Variants in CHRM5 observed in about 807,000 individuals in gnomAD.
The protein encoded by CHRM5 is muscarinic acetylcholine receptor M5.
A neutral mutation model predicts 39.0 loss-of-function variants in CHRM5; 18 were observed. The observed-to-expected ratio is 0.46, with a 90% confidence interval of 0.32 to 0.68. The LOEUF (loss-of-function observed/expected upper bound fraction) is 0.68, where lower values mean the gene tolerates loss of function less well. Among genes scored for constraint, CHRM5 ranks in the 30% least tolerant of loss-of-function variants. The pLI is 0.04. For synonymous variants in CHRM5, 241 were observed against 246.3 expected, an observed-to-expected ratio of 0.98 and a Z score of 0.20; for missense variants, 515 against 651.1, an observed-to-expected ratio of 0.79 and a Z score of 2.28.
chr15:34,018,417 T>A (rs1225629585), intron 1 of CHRM5: 1 of 152,186 alleles, frequency 6.6e-6, no homozygotes, highest in Admixed American at 6.5e-5. Flanking sequence ...TTCCTTCCGG[T>A]GGGTTCGTGG....
intron 1 of CHRM5, among the ~76,000 whole-genome samples, chr15:33,979,438 G>A (rs1037907087): frequency 1.3e-5 from 2 of 152,110 alleles, no homozygotes; most frequent in African/African-American, 4.8e-5. Flanking sequence ...GAGCCCAGGA[G>A]GTTGAGGCTG....
chr15:34,016,791 G>A (rs1897930487), intron 1 of CHRM5, among the ~76,000 whole-genome samples: 1 of 152,124 alleles, frequency 6.6e-6, no homozygotes, highest in Non-Finnish European at 1.5e-5. Context: ...CACATTCAGA[G>A]TTCTAGACCA....
intron 1 of CHRM5, among the ~76,000 whole-genome samples, chr15:34,030,205 G>C (rs1322684603): frequency 6.6e-6 from 1 of 152,144 alleles, no homozygotes; most frequent in Non-Finnish European, 1.5e-5. Flanking sequence ...AGGGAGCTGA[G>C]ATCACACCAC....
chr15:34,033,437 C>A (rs1437587776), intron 1 of CHRM5, among the ~76,000 whole-genome samples: 3 of 150,742 alleles, frequency 2.0e-5, no homozygotes, highest in Non-Finnish European at 4.4e-5. Context: ...ACCCAAGAGG[C>A]GGAGATTGCA....
At chr15:34,000,849 A>G (rs905052210) in intron 1 of CHRM5, among the ~76,000 whole-genome samples, 1 of 152,170 alleles carries the variant, frequency 6.6e-6, no homozygotes, top group African/African-American at 2.4e-5. Flanking sequence ...AAAAAAACCA[A>G]AACCAATCAC....
At chr15:34,017,535 T>C (rs898557271) in intron 1 of CHRM5, among the ~76,000 whole-genome samples, 1 of 142,106 alleles carries the variant, frequency 7.0e-6, no homozygotes, top group Non-Finnish European at 1.5e-5. Context: ...CAGGCCGGAG[T>C]GCAGTACTGC....
rs58379586 is a variant in CHRM5, at chr15:34,024,688, T to TA, written c.-407-21837dup. ...CAACATGGTGAAACCCCGTCTCTACTAAAAAAAAAAAAAAATACAAAAATT... is the reference window on the plus strand; with the variant it reads ...CAACATGGTGAAACCCCGTCTCTACTAAAAAAAAAAAAAAAATACAAAAATT... On this transcript the variant is annotated intron_variant, in intron 1 of 2. Coordinates refer to ENST00000383263, the MANE Select transcript of CHRM5 (RefSeq NM_012125.4). Among the ~76,000 whole-genome samples the TA allele has an allele frequency of 8.5e-3, 1,124 of 131,984 alleles. 15 individuals carry two copies. Among genetic ancestry groups the TA allele is most frequent in the African/African-American group, 0.026 (913 of 35,722 alleles). The allele number at this position is 131,984 out of a possible 152,430, so 86.6% of individuals were successfully genotyped here.
chr15:33,979,295 A>G (rs1369519914), intron 1 of CHRM5, among the ~76,000 whole-genome samples: 3 of 152,042 alleles, frequency 2.0e-5, no homozygotes, highest in Non-Finnish European at 4.4e-5. Flanking sequence ...GCCAAGGAGG[A>G]AGGATTGCTT....
At chr15:34,058,555 AACACACACACACACACACAC>A (rs3027963) in intron 2 of CHRM5, among the ~76,000 whole-genome samples, 1 of 143,180 alleles carries the variant, frequency 7.0e-6, no homozygotes, top group Non-Finnish European at 1.5e-5. Context: ...CTTTAATTCT[AACACACACACACACACACAC>A]ACACACACAC....
chr15:33,986,376 T>G (rs1437714949), intron 1 of CHRM5, among the ~76,000 whole-genome samples: 1 of 152,044 alleles, frequency 6.6e-6, no homozygotes, highest in Admixed American at 6.5e-5. Context: ...CCCAAAGTGC[T>G]GGGATTACAG....
chr15:33,983,128 C>G (rs1458914947), intron 1 of CHRM5, among the ~76,000 whole-genome samples: 1 of 135,266 alleles, frequency 7.4e-6, no homozygotes. Context: ...TGTCCATACT[C>G]TGTGTGTGTG....
chr15:34,055,243 A>T (rs1900091025), intron 2 of CHRM5, among the ~76,000 whole-genome samples: 1 of 151,712 alleles, frequency 6.6e-6, no homozygotes, highest in Non-Finnish European at 1.5e-5. Flanking sequence ...TCGCACCTGT[A>T]ATCCCAGCAT....
intron 1 of CHRM5, among the ~76,000 whole-genome samples, chr15:34,011,361 AAT>A (rs1897629231): frequency 1.3e-5 from 2 of 152,210 alleles, no homozygotes; most frequent in South Asian, 4.1e-4. Context: ...TATTAAATAA[AAT>A]ATATGTTGTA....
chr15:34,038,719 G>T, intron 1 of CHRM5: 1 of 1,123,038 alleles, frequency 8.9e-7, no homozygotes, highest in Non-Finnish European at 1.1e-6. Context: ...TTGACTGGCG[G>T]CCTCGGCCCC....
chr15:34,038,872 A>AGCCCCGGCCACGGCCACG, intron 1 of CHRM5: 2 of 1,146,604 alleles, frequency 1.7e-6, no homozygotes, highest in Non-Finnish European at 2.1e-6. Context: ...GCGCCGCGGA[A>AGCCCCGGCCACGGCCACG]GCCCCGGCCA....
Position 34,064,216 on chromosome 15 carries a change from G to C in CHRM5, c.1499G>C (p.Arg500Thr). 6.2e-7 allele frequency: 1 copy of C among 1,614,160 alleles called. No individual in the cohort carries two copies. The highest frequency in any genetic ancestry group is 8.5e-7 in the Non-Finnish European group (1 of 1,180,028). ...VNPICYALCN[R>T]TFRKTFKMLL... ...CCCATCTGCTATGCCCTCTGCAACA[G>C]AACCTTCAGGAAGACCTTTAAGATG... The change falls in exon 3 of 3, where the codon AGA becomes ACA. Residue 500 changes from arginine to threonine, a missense_variant. By Grantham distance (71) the Arg-to-Thr change is moderately conservative (BLOSUM62 -1). Transcript: ENST00000383263.
At chr15:33,985,248 C>A (rs1896372711) in intron 1 of CHRM5, among the ~76,000 whole-genome samples, 1 of 150,576 alleles carries the variant, frequency 6.6e-6, no homozygotes, top group Admixed American at 6.6e-5. Flanking sequence ...GTGTCTCTGG[C>A]AAAAGGAGTA....
At chr15:34,048,211 T>G (rs1215591326) in intron 2 of CHRM5, among the ~76,000 whole-genome samples, 1 of 152,226 alleles carries the variant, frequency 6.6e-6, no homozygotes, top group Non-Finnish European at 1.5e-5. Flanking sequence ...GATCCATTCC[T>G]CCTCACTGGG....
In CHRM5 at chr15:34,063,318, G is replaced by T. The variant is rs1420985408; in HGVS notation, c.601G>T (p.Ala201Ser). 6.2e-7 allele frequency: 1 copy of T among 1,614,102 alleles called. No homozygotes were observed. The highest frequency in any genetic ancestry group is 1.7e-5 in the Admixed American group (1 of 60,008). Residue 201 changes from alanine (A) to serine (S), a missense_variant, in exon 3 of 3, where the codon GCC becomes TCC. Coordinates refer to ENST00000383263, the MANE Select transcript of CHRM5 (RefSeq NM_012125.4). This position sits in a 1 kb window ranked among gnomAD's most constrained non-coding sequence, Gnocchi z 4.1. Reference protein sequence around the residue: ...PTITFGTAIAAFYIPVSVMTI... With the variant: ...PTITFGTAIASFYIPVSVMTI... ...CATCACTTTTGGCACTGCCATTGCT[G>T]CCTTCTACATCCCTGTTTCTGTCAT... is the stretch of plus-strand genomic sequence containing the variant.
Sources: gnomAD v4.1 joint callset for allele counts (sites outside exome capture counted in the v4.1 genomes callset) on GRCh38, gnomAD v4.1.1 for gene constraint, Gnocchi (gnomAD v3.1) non-coding constraint, MANE v1.5 for transcripts, NCBI Gene and HGNC (gene_info 2026-07-23, HGNC 2026-07-21) for gene names.